RIMKLB: variants seen among roughly 807,000 people sequenced by gnomAD.
RIMKLB encodes the protein beta-citrylglutamate synthase B.
Under a neutral mutation model 32.0 loss-of-function variants are expected in RIMKLB, and 7 were observed. The ratio of observed to expected loss-of-function variants is 0.22; its 90% confidence interval spans 0.12 to 0.41. The LOEUF is 0.41. Among genes scored for constraint, RIMKLB ranks in the 10% least tolerant of loss-of-function variants. RIMKLB has a pLI of 1.00. For synonymous variants in RIMKLB, 172 were observed against 185.1 expected (o/e 0.93, Z 0.57); for missense variants, 289 against 498.7 (o/e 0.58, Z 4.00).
chr12:8,763,531 G>A (rs1949704893), intron 5 of RIMKLB, among the ~76,000 whole-genome samples: 1 of 152,226 alleles, frequency 6.6e-6, no homozygotes, highest in South Asian at 2.1e-4. Context: ...TTAGGGTTTT[G>A]GGATGAGGAT....
intron 2 of RIMKLB, among the ~76,000 whole-genome samples, chr12:8,719,597 G>C (rs1945235194): frequency 6.6e-6 from 1 of 152,096 alleles, no homozygotes; most frequent in Non-Finnish European, 1.5e-5. Context: ...TCGAACTCCT[G>C]ACCTCCGGTG....
At chr12:8,769,759 ATACT>A (rs1186692556) in intron 5 of RIMKLB, among the ~76,000 whole-genome samples, 4 of 152,094 alleles carry the variant, frequency 2.6e-5, no homozygotes, top group African/African-American at 7.2e-5. Flanking sequence ...ATTTTCCTTG[ATACT>A]TTATTTACTA....
chr12:8,723,020 C>T (rs983249576), intron 2 of RIMKLB, among the ~76,000 whole-genome samples: 2 of 152,232 alleles, frequency 1.3e-5, no homozygotes, highest in African/African-American at 4.8e-5. Context: ...GCTTTGCTTT[C>T]TTATCATTCA....
At chr12:8,676,046 G>T in the RIMKLB span, among the ~76,000 whole-genome samples, 1 of 152,056 alleles carries the variant, frequency 6.6e-6, no homozygotes, top group Non-Finnish European at 1.5e-5. Context: ...TCTCATCTCT[G>T]TCAAGGTTTA....
At chr12:8,694,671 G>A (rs1468381279), upstream of RIMKLB, among the ~76,000 whole-genome samples, 1 of 152,174 alleles carries the variant, frequency 6.6e-6, no homozygotes, top group Non-Finnish European at 1.5e-5. Context: ...TGGGATTACA[G>A]GCATGAGCCA....
At chr12:8,745,711 T>TA (rs1948023053) in intron 2 of RIMKLB, among the ~76,000 whole-genome samples, 1 of 141,802 alleles carries the variant, frequency 7.1e-6, no homozygotes, top group Non-Finnish European at 1.5e-5. Flanking sequence ...TTTTTTTTTT[T>TA]AAACACAGAA....
chr12:8,771,051 G>A (rs761590559), intron 5 of RIMKLB, among the ~76,000 whole-genome samples: 10 of 152,254 alleles, frequency 6.6e-5, no homozygotes, highest in Admixed American at 2.0e-4. Context: ...GCCCTCCCAC[G>A]GCTTGCCACC....
intron 5 of RIMKLB, among the ~76,000 whole-genome samples, chr12:8,771,580 A>G (rs1447721254): frequency 4.6e-5 from 7 of 152,218 alleles, no homozygotes; most frequent in Admixed American, 2.6e-4. Context: ...TCTAGCTTCA[A>G]TTCTACTGCC....
At chr12:8,752,241 A>G (rs1948672524) in intron 4 of RIMKLB, among the ~76,000 whole-genome samples, 198 bp downstream of exon 4, 1 of 152,222 alleles carries the variant, frequency 6.6e-6, no homozygotes, top group African/African-American at 2.4e-5. Context: ...ATACATACTT[A>G]GACTGAGTCT....
At chr12:8,720,926 C>T (rs924492924) in intron 2 of RIMKLB, among the ~76,000 whole-genome samples, 1 of 152,156 alleles carries the variant, frequency 6.6e-6, no homozygotes, top group Admixed American at 6.5e-5. Context: ...TTATGTTATG[C>T]TGCCTCAGAG....
intron 2 of RIMKLB, among the ~76,000 whole-genome samples, chr12:8,735,383 C>T (rs1347462042): frequency 2.0e-5 from 3 of 152,202 alleles, no homozygotes; most frequent in African/African-American, 7.2e-5. Context: ...GCGCACACCA[C>T]CATGCCCAGC....
intron 5 of RIMKLB, among the ~76,000 whole-genome samples, chr12:8,763,692 G>T (rs1949717754): frequency 6.6e-6 from 1 of 152,240 alleles, no homozygotes; most frequent in African/African-American, 2.4e-5. Context: ...AAAAGCGCTT[G>T]GGTGGCTTGA....
chr12:8,733,147 C>T (rs1159481564), intron 2 of RIMKLB, among the ~76,000 whole-genome samples: 1 of 151,908 alleles, frequency 6.6e-6, no homozygotes, highest in African/African-American at 2.4e-5. Context: ...CAGGAGGTTG[C>T]TCTTGGCAGC....
At chr12:8,713,730 C>T (rs1675824950) in intron 1 of RIMKLB, 81 bp from the exon 2 acceptor site, 1 of 842,862 alleles carries the variant, frequency 1.2e-6, no homozygotes, top group African/African-American at 1.7e-5. Flanking sequence ...AGTATATAAT[C>T]ACGGCATTTA....
chr12:8,756,981 G>A (rs1223777632), intron 5 of RIMKLB, among the ~76,000 whole-genome samples: 1 of 152,074 alleles, frequency 6.6e-6, no homozygotes, highest in Non-Finnish European at 1.5e-5. Context: ...ACCGTGCCCA[G>A]CCTACTTCCT....
intron 1 of RIMKLB, among the ~76,000 whole-genome samples, chr12:8,686,208 C>G (rs1405472636): frequency 1.3e-5 from 2 of 152,134 alleles, no homozygotes; most frequent in Non-Finnish European, 2.9e-5. Context: ...CCTTGCCCTC[C>G]CATAGTGCTG....
chr12:8,702,773 A>G (rs955341685), intron 1 of RIMKLB, among the ~76,000 whole-genome samples: 1 of 152,218 alleles, frequency 6.6e-6, no homozygotes, highest in African/African-American at 2.4e-5. Context: ...TTAGTTAGCC[A>G]TATCTGTAAA....
At chr12:8,685,805 A>G (rs1388042704) in intron 1 of RIMKLB, among the ~76,000 whole-genome samples, 2 of 148,930 alleles carry the variant, frequency 1.3e-5, no homozygotes, top group African/African-American at 5.0e-5. Flanking sequence ...CACTACGCCC[A>G]GCTATTTTTT....
chr12:8,771,856 T>C (rs1950430691), intron 5 of RIMKLB, among the ~76,000 whole-genome samples: 2 of 152,138 alleles, frequency 1.3e-5, no homozygotes, highest in Non-Finnish European at 2.9e-5. Context: ...ATTTTTCTGA[T>C]TCAGTTCTCC....
Sources: allele counts gnomAD v4.1 joint callset (sites outside exome capture counted in the v4.1 genomes callset), GRCh38; gene constraint gnomAD v4.1.1; transcripts MANE v1.5; gene names NCBI Gene and HGNC (gene_info 2026-07-23, HGNC 2026-07-21).